SCAPER: variants seen among roughly 807,000 people sequenced by gnomAD.
The protein encoded by SCAPER is S phase cyclin A-associated protein in the endoplasmic reticulum.
In SCAPER, 98 loss-of-function variants were observed where a neutral mutation model predicts 182.2. That is an observed-to-expected ratio of 0.54 (90% CI 0.46 to 0.64). SCAPER has a LOEUF of 0.64. Among genes scored for constraint, SCAPER ranks in the 30% least tolerant of loss-of-function variants. The pLI, the probability that SCAPER is intolerant of heterozygous loss-of-function variation, is 0.00. For synonymous variants in SCAPER, 605 were observed against 564.6 expected, an observed-to-expected ratio of 1.07 and a Z score of -1.01; for missense variants, 1,432 against 1,690.0, an observed-to-expected ratio of 0.85 and a Z score of 2.68.
chr15:76,626,686 C>T lies in SCAPER; in HGVS notation c.2646-4857G>A, dbSNP rs890221240. Among the ~76,000 whole-genome samples, 19 of 152,336 alleles carry T rather than the reference C, an allele frequency of 1.2e-4. 1 individual carries two copies. The highest frequency in any genetic ancestry group is 4.1e-4 in the African/African-American group (17 of 41,582). On this transcript the variant is annotated intron_variant, in intron 21 of 31. Coordinates refer to ENST00000563290, the MANE Select transcript of SCAPER (RefSeq NM_020843.4). ...AAGCCAAGATTACACCACTGCACTCCAGCCTGGATGACAGAGAGAGATTCT... is the reference window on the plus strand; with the variant it reads ...AAGCCAAGATTACACCACTGCACTCTAGCCTGGATGACAGAGAGAGATTCT...
At chr15:76,730,720 T>C (rs781776196) in intron 16 of SCAPER, among the ~76,000 whole-genome samples, 2 of 152,158 alleles carry the variant, frequency 1.3e-5, no homozygotes, top group African/African-American at 2.4e-5. Context: ...ATTTTTCATT[T>C]CATATTTTAT....
intron 14 of SCAPER, among the ~76,000 whole-genome samples, chr15:76,755,654 T>C (rs896217337): frequency 6.6e-6 from 1 of 152,202 alleles, no homozygotes; most frequent in African/African-American, 2.4e-5. Flanking sequence ...TCCTCCCATA[T>C]TGTATCAGGA....
chr15:76,733,190 A>G (rs1461446794), intron 16 of SCAPER, 39 bp downstream of exon 16: 2 of 1,542,230 alleles, frequency 1.3e-6, no homozygotes. Flanking sequence ...CAAATATGAC[A>G]GGTGCTCAAG....
At chr15:76,683,614 C>T (rs1476492980) in intron 20 of SCAPER, among the ~76,000 whole-genome samples, 1 of 151,878 alleles carries the variant, frequency 6.6e-6, no homozygotes, top group African/African-American at 2.4e-5. Context: ...CATCAGGTTT[C>T]CCAAGGTCGA....
At chr15:76,482,873 A>G (rs1463633644) in intron 24 of SCAPER, among the ~76,000 whole-genome samples, 2 of 152,144 alleles carry the variant, frequency 1.3e-5, no homozygotes, top group African/African-American at 2.4e-5. Context: ...AATAAATGGA[A>G]AGATATTCCA....
intron 15 of SCAPER, among the ~76,000 whole-genome samples, chr15:76,749,297 A>G (rs1598499006): frequency 6.6e-6 from 1 of 152,124 alleles, no homozygotes; most frequent in Non-Finnish European, 1.5e-5. Flanking sequence ...TTAAAGTCCA[A>G]TCATGGTAAA....
chr15:76,778,274 G>C (rs552421742), intron 8 of SCAPER, among the ~76,000 whole-genome samples: 1 of 152,094 alleles, frequency 6.6e-6, no homozygotes, highest in Non-Finnish European at 1.5e-5. Context: ...TAAAAATGGA[G>C]AGAGTTAAGG....
At chr15:76,871,419 A>C (rs1045365058) in intron 2 of SCAPER, among the ~76,000 whole-genome samples, 1 of 151,436 alleles carries the variant, frequency 6.6e-6, no homozygotes, top group Non-Finnish European at 1.5e-5. Context: ...AAAAAAAAAA[A>C]AAAAAACCTA....
intron 16 of SCAPER, among the ~76,000 whole-genome samples, chr15:76,732,600 G>C (rs925201259): frequency 1.3e-5 from 2 of 152,024 alleles, no homozygotes; most frequent in Admixed American, 1.3e-4. Flanking sequence ...TCAGTGTCAA[G>C]GAAAAACACC....
chr15:76,640,722 G>A (rs186974316), intron 21 of SCAPER, among the ~76,000 whole-genome samples: 112 of 152,288 alleles, frequency 7.4e-4, no homozygotes, highest in African/African-American at 2.6e-3. Flanking sequence ...GGAGATGTAG[G>A]GAGACCCCCT....
At chr15:76,514,615 T>G (rs1244318722) in intron 23 of SCAPER, among the ~76,000 whole-genome samples, 3 of 151,900 alleles carry the variant, frequency 2.0e-5, no homozygotes, top group Non-Finnish European at 4.4e-5. Context: ...TGGGGAAAAC[T>G]GTTTGCGTGT....
intron 23 of SCAPER, among the ~76,000 whole-genome samples, chr15:76,548,428 A>T (rs969679526): frequency 1.3e-5 from 2 of 152,184 alleles, no homozygotes; most frequent in Non-Finnish European, 2.9e-5. Context: ...TGTAGATGGA[A>T]ATACCACTAT....
intron 3 of SCAPER, 69 bp from the exon 4 acceptor site, chr15:76,857,948 G>A: frequency 1.8e-6 from 2 of 1,093,796 alleles, no homozygotes; most frequent in East Asian, 2.6e-5. Context: ...TGAACTACAG[G>A]TAATTAGATA....
At chr15:76,563,748 A>G (rs775343036) in intron 23 of SCAPER, among the ~76,000 whole-genome samples, 4 of 152,196 alleles carry the variant, frequency 2.6e-5, no homozygotes, top group Non-Finnish European at 4.4e-5. Flanking sequence ...AAGAACATCA[A>G]TGCAAAATTC....
intron 23 of SCAPER, among the ~76,000 whole-genome samples, chr15:76,547,164 G>C (rs1487503779): frequency 6.6e-6 from 1 of 152,152 alleles, no homozygotes; most frequent in African/African-American, 2.4e-5. Flanking sequence ...CTCACCAGCA[G>C]TGTACAGGTT....
chr15:76,376,443 C>CCTG, intron 28 of SCAPER, 132 bp from the exon 29 acceptor site: 6 of 968,414 alleles, frequency 6.2e-6, no homozygotes, highest in South Asian at 5.8e-5. Flanking sequence ...CAGTACTATG[C>CCTG]TTAATGCTTT....
At chr15:76,548,809 G>T (rs1195952213) in intron 23 of SCAPER, among the ~76,000 whole-genome samples, 1 of 152,150 alleles carries the variant, frequency 6.6e-6, no homozygotes, top group Non-Finnish European at 1.5e-5. Flanking sequence ...ATGGACTAAA[G>T]ACCTAAATGT....
intron 5 of SCAPER, among the ~76,000 whole-genome samples, chr15:76,806,587 C>T (rs1036500942): frequency 2.6e-5 from 4 of 152,152 alleles, no homozygotes; most frequent in African/African-American, 9.7e-5. Context: ...GGGAAGGGAG[C>T]AATTGGAATG....
At chr15:76,780,349 T>G (rs556223749) in intron 8 of SCAPER, among the ~76,000 whole-genome samples, 19 of 152,302 alleles carry the variant, frequency 1.2e-4, no homozygotes, top group South Asian at 1.2e-3. Flanking sequence ...TTGCTGAGGC[T>G]TGAGGAGGTA....
Sources: gnomAD v4.1 joint callset for allele counts (sites outside exome capture counted in the v4.1 genomes callset) on GRCh38, gnomAD v4.1.1 for gene constraint, MANE v1.5 for transcripts, NCBI Gene and HGNC (gene_info 2026-07-23, HGNC 2026-07-21) for gene names.